Variants in NKTR observed in about 807,000 individuals in gnomAD.
NKTR encodes the protein natural killer cell triggering receptor.
A neutral mutation model predicts 156.3 loss-of-function variants in NKTR; 67 were observed. The observed-to-expected ratio is 0.43, with a 90% CI of 0.35 to 0.53. NKTR has a LOEUF of 0.53. Among genes scored for constraint, NKTR ranks in the 20% least tolerant of loss-of-function variants. The pLI, the probability that NKTR is intolerant of heterozygous loss-of-function variation, is 0.01. For synonymous variants in NKTR, 640 were observed against 596.6 expected (o/e 1.07, Z -1.06); for missense variants, 1,604 against 1,730.9 (o/e 0.93, Z 1.30).
chr3:42,639,158 C>G lies in NKTR; in HGVS notation c.3454C>G (p.Arg1152Gly). Residue 1152 changes from arginine to glycine, a missense_variant, in exon 13 of 17, where the codon CGG becomes GGG. Around this residue, in one of 6 missense-constraint regions of NKTR, gnomAD observed 1,255 missense variants for 1,243.7 expected, o/e 1.01. Transcript: ENST00000232978. ...GGAGACTTCCCCTCTAGGAAATGCA[C>G]GGCTTGATACCCCAGATATAAACAT... ...VEETSPLGNA[R>G]LDTPDINIVL... The G allele has an allele frequency of 6.2e-7, 1 of 1,614,108 alleles. No homozygotes were observed. Among genetic ancestry groups the G allele is most frequent in the African/African-American group, 1.3e-5 (1 of 75,032 alleles).
At chr3:42,628,630 A>G in intron 6 of NKTR, 1 of 985,172 alleles carries the variant, frequency 1.0e-6, no homozygotes, top group South Asian at 4.7e-5. Flanking sequence ...GAATGTATCT[A>G]ATCAGGAAAC....
intron 2 of NKTR, among the ~76,000 whole-genome samples, chr3:42,607,967 C>CGGGGTTTTTTTTTTTTT: frequency 1.3e-5 from 1 of 76,764 alleles, no homozygotes; most frequent in South Asian, 4.5e-4. Flanking sequence ...TCCTGAGTCG[C>CGGGGTTTTTTTTTTTTT]TCTTTTTTTT....
intron 12 of NKTR, among the ~76,000 whole-genome samples, chr3:42,635,813 C>T (rs1709349974): frequency 6.6e-6 from 1 of 151,464 alleles, no homozygotes; most frequent in Admixed American, 6.6e-5. Flanking sequence ...GAGGCTGAGG[C>T]AGGAGAATGG....
intron 2 of NKTR, chr3:42,611,252 C>T (rs552361125): frequency 6.6e-6 from 1 of 152,224 alleles, no homozygotes; most frequent in African/African-American, 2.4e-5. Flanking sequence ...AAACCTTTAG[C>T]TGGGTGTTTA....
chr3:42,601,363 T>A lies in NKTR; in HGVS notation c.58+299T>A, dbSNP rs1242001192. ...TGCAGTTCTTTGAGGACTTTTTCTC[T>A]CCCAGTGTCTCCGTGAGGCAGACAC... On this transcript the variant is annotated intron_variant, in intron 2 of 16. Transcript: ENST00000232978. 4.3e-5 allele frequency: 11 copies of A among 256,112 alleles called. No homozygotes were observed. The East Asian group carries it at 8.3e-4, about 19-fold the overall frequency. 15.9% of individuals were successfully genotyped at this position (256,112 alleles called of 1,614,324 possible). A position where few individuals can be genotyped will look rare whatever the true frequency, so the allele number is the denominator to read the frequency against.
chr3:42,617,973 A>G (rs1198284141), intron 3 of NKTR, among the ~76,000 whole-genome samples: 1 of 152,176 alleles, frequency 6.6e-6, no homozygotes, highest in African/African-American at 2.4e-5. Context: ...CTACTTTGAA[A>G]AAATTTAGTA....
intron 6 of NKTR, chr3:42,627,386 A>G: frequency 1.0e-6 from 1 of 985,364 alleles, no homozygotes; most frequent in Non-Finnish European, 1.2e-6. Context: ...TTTCATGGTT[A>G]ATCCTGGGAA....
Position 42,642,579 on chromosome 3 carries a change from G to A in NKTR, c.4125G>A (p.Arg1375=). The change falls in exon 14 of 17, where the codon CGG becomes CGA. Residue 1375 remains arginine, a synonymous_variant. Transcript: ENST00000232978. ...GRTRSRSSSY[R]SYKSHRTSSR... ...CCAGAAGCCGGAGCAGTTCCTACCG[G>A]AGTTACAAAAGTCACAGGTGAGCTT... The A allele has an allele frequency of 6.2e-7, 1 of 1,614,042 alleles. No individual in the cohort carries two copies. The highest frequency in any genetic ancestry group is 2.2e-5 in the East Asian group (1 of 44,884).
chr3:42,622,613 A>G (rs943715270), intron 6 of NKTR, among the ~76,000 whole-genome samples: 21 of 152,054 alleles, frequency 1.4e-4, no homozygotes, highest in African/African-American at 4.6e-4. Context: ...AGCTGATAAA[A>G]GATTATGCTT....
At chr3:42,635,496 A>T in intron 12 of NKTR, 130 bp downstream of exon 12, 1 of 689,488 alleles carries the variant, frequency 1.5e-6, no homozygotes, top group Non-Finnish European at 2.3e-6. Flanking sequence ...ACCAAAGGAA[A>T]TACATTTGGG....
At chr3:42,629,281 C>T in intron 6 of NKTR, 1 of 971,626 alleles carries the variant, frequency 1.0e-6, no homozygotes, top group Non-Finnish European at 1.2e-6. Context: ...TTCCACTTTT[C>T]AATCTTCTAA....
chr3:42,600,820 G>A (rs1705315865), intron 1 of NKTR, 42 bp downstream of exon 1: 4 of 410,848 alleles, frequency 9.7e-6, no homozygotes, highest in Non-Finnish European at 1.7e-5. Flanking sequence ...CGTGGGAGCC[G>A]CGAGGCCCGG....
In NKTR at chr3:42,600,971, C is replaced by A; in HGVS notation, c.-23-13C>A. On this transcript the variant is annotated splice_polypyrimidine_tract_variant and intron_variant, in intron 1 of 16. Transcript: ENST00000232978. ...GCCCCTGCCCTGACCGCTTTTCTCCCCCTCTCTCCCAGCTCTTGCCGCCAC... is the reference window on the plus strand; with the variant it reads ...GCCCCTGCCCTGACCGCTTTTCTCCACCTCTCTCCCAGCTCTTGCCGCCAC... 6.6e-7 allele frequency: 1 copy of A among 1,513,210 alleles called. No homozygotes were observed. Among genetic ancestry groups the A allele is most frequent in the Non-Finnish European group, 8.9e-7 (1 of 1,127,708 alleles). 93.7% of individuals were successfully genotyped at this position (1,513,210 alleles called of 1,614,324 possible).
intron 2 of NKTR, among the ~76,000 whole-genome samples, chr3:42,603,515 A>G (rs1476001058): frequency 4.6e-5 from 7 of 152,196 alleles, no homozygotes; most frequent in Non-Finnish European, 8.8e-5. Flanking sequence ...CAAATGTTCA[A>G]TGAACCTCAT....
In NKTR at chr3:42,606,862, G is replaced by A. The variant is rs1268192881; in HGVS notation, c.58+5798G>A. On this transcript the variant is annotated intron_variant, in intron 2 of 16. Transcript: ENST00000232978. ...CACTATCCCTAAAAAAAAAAATTTC[G>A]TTTGGCTTTTTTTTTAGAGACAGAG... 4.6e-5 allele frequency among the ~76,000 whole-genome samples: 7 copies of A among 151,304 alleles called. 1 individual carries two copies. In the South Asian group the frequency reaches 8.3e-4, roughly 18 times the overall value.
At position 42,633,625 on chromosome 3, in the gene NKTR, C is replaced by T; in HGVS notation, c.819C>T (p.Ser273=). The T allele has an allele frequency of 1.9e-6, 3 of 1,614,068 alleles. No individual in the cohort carries two copies. The highest frequency in any genetic ancestry group is 1.7e-6 in the Non-Finnish European group (2 of 1,180,006). ...CCAATGAAAAAAGGTCAGTTGATTC[C>T]AGTGCTAAAAGGGAAAAACCTGTGG... ...SDTNEKRSVD[S]SAKREKPVVR... Residue 273 remains serine (S), a synonymous_variant, in exon 10 of 17, where the codon TCC becomes TCT. Coordinates refer to ENST00000232978, the MANE Select transcript of NKTR (RefSeq NM_005385.4).
At chr3:42,631,041 C>G (rs1396619716) in intron 7 of NKTR, 130 bp from the exon 8 acceptor site, 65 of 1,436,490 alleles carry the variant, frequency 4.5e-5, no homozygotes, top group Admixed American at 5.8e-5. Flanking sequence ...ATTCTAGTTG[C>G]TTCATACAAC....
At chr3:42,604,660 T>A (rs905784312) in intron 2 of NKTR, among the ~76,000 whole-genome samples, 3 of 19,972 alleles carry the variant, frequency 1.5e-4, no homozygotes, top group African/African-American at 9.5e-4. Flanking sequence ...ATTTCTCTCC[T>A]TTTTTTTTTT....
intron 6 of NKTR, among the ~76,000 whole-genome samples, chr3:42,622,591 C>T (rs958387547): frequency 6.6e-6 from 1 of 151,956 alleles, no homozygotes; most frequent in Admixed American, 6.6e-5. Context: ...TAAGAATGTC[C>T]TAAAAATGGA....
Sources: allele counts gnomAD v4.1 joint callset (sites outside exome capture counted in the v4.1 genomes callset), GRCh38; gene constraint gnomAD v4.1.1; regional missense constraint gnomAD v4.1.1; transcripts MANE v1.5; gene names NCBI Gene and HGNC (gene_info 2026-07-23, HGNC 2026-07-21).